TENM3: variants seen among roughly 807,000 people sequenced by gnomAD.
The protein encoded by TENM3 is teneurin transmembrane protein 3.
In TENM3, 63 loss-of-function variants were observed where a neutral mutation model predicts 255.1. The observed-to-expected ratio is 0.25, with a 90% CI of 0.20 to 0.30. TENM3 has a LOEUF of 0.30. TENM3 is among the 10% of genes least tolerant of loss of function. TENM3 has a pLI of 1.00. For synonymous variants in TENM3, 1,306 were observed against 1,322.3 expected, an observed-to-expected ratio of 0.99 and a Z score of 0.27; for missense variants, 2,929 against 3,461.1, an observed-to-expected ratio of 0.85 and a Z score of 3.86.
chr4:182,036,895 G>A, the TENM3 span, among the ~76,000 whole-genome samples: 2 of 151,950 alleles, frequency 1.3e-5, no homozygotes, highest in African/African-American at 4.8e-5. Context: ...TTTTGAAATG[G>A]TTTTGACAGT....
chr4:181,481,154 C>A, the TENM3 span, among the ~76,000 whole-genome samples: 6 of 150,644 alleles, frequency 4.0e-5, no homozygotes, highest in African/African-American at 1.2e-4. Flanking sequence ...ACTCTCTTTT[C>A]TTTTTTTTTG....
chr4:181,567,116 A>C, the TENM3 span, among the ~76,000 whole-genome samples: 2 of 152,204 alleles, frequency 1.3e-5, no homozygotes, highest in East Asian at 3.9e-4. Flanking sequence ...CTGATCAATA[A>C]GAGTAGAAAT....
At chr4:181,540,916 A>G in the TENM3 span, among the ~76,000 whole-genome samples, 1 of 151,428 alleles carries the variant, frequency 6.6e-6, no homozygotes, top group Non-Finnish European at 1.5e-5. Context: ...TGGCTCATTA[A>G]TAGTAATGAA....
chr4:182,483,749 A>G (rs997726510), intron 3 of TENM3, among the ~76,000 whole-genome samples: 4 of 152,136 alleles, frequency 2.6e-5, no homozygotes, highest in African/African-American at 9.7e-5. Flanking sequence ...CAGGCTGTAC[A>G]GGAAGTATGG....
intron 1 of TENM3, among the ~76,000 whole-genome samples, chr4:182,299,275 T>G (rs142296754): frequency 1.3e-5 from 2 of 152,124 alleles, no homozygotes; most frequent in African/African-American, 4.8e-5. Flanking sequence ...AAAACTAGAT[T>G]TATAATTCAA....
chr4:182,495,151 A>G (rs1202467018), intron 3 of TENM3, among the ~76,000 whole-genome samples: 4 of 152,220 alleles, frequency 2.6e-5, no homozygotes, highest in African/African-American at 4.8e-5. Flanking sequence ...TTAATGGAAG[A>G]TGCTCAGATG....
the TENM3 span, among the ~76,000 whole-genome samples, chr4:181,579,812 A>C: frequency 6.6e-6 from 1 of 152,192 alleles, no homozygotes; most frequent in African/African-American, 2.4e-5. Flanking sequence ...TAGGTTCATC[A>C]AGAGTAGAAA....
chr4:181,791,548 T>C, the TENM3 span, among the ~76,000 whole-genome samples: 72 of 152,312 alleles, frequency 4.7e-4, no homozygotes, highest in African/African-American at 1.7e-3. Context: ...GAAAGTAATA[T>C]AAGAATAAAA....
At chr4:182,059,772 A>G in the TENM3 span, among the ~76,000 whole-genome samples, 48 of 149,048 alleles carry the variant, frequency 3.2e-4, no homozygotes, top group African/African-American at 1.2e-3. Context: ...AGAAAAAAAA[A>G]AAAAAGAAAA....
chr4:182,619,060 G>A (rs1749826811), intron 4 of TENM3, among the ~76,000 whole-genome samples: 1 of 152,080 alleles, frequency 6.6e-6, no homozygotes, highest in South Asian at 2.1e-4. Flanking sequence ...GATGGGGACA[G>A]CAAAAAAGAT....
At chr4:181,919,374 GGTGTGTGT>G in the TENM3 span, among the ~76,000 whole-genome samples, 3 of 146,744 alleles carry the variant, frequency 2.0e-5, no homozygotes, top group African/African-American at 7.7e-5. Context: ...AAGCAAAGCA[GGTGTGTGT>G]GTGTGTGTGT....
the TENM3 span, among the ~76,000 whole-genome samples, chr4:181,844,722 T>A: frequency 6.6e-6 from 1 of 152,110 alleles, no homozygotes; most frequent in African/African-American, 2.4e-5. Context: ...ATACAGATGA[T>A]CTAAATAATA....
the TENM3 span, among the ~76,000 whole-genome samples, chr4:181,704,985 C>T: frequency 6.6e-6 from 1 of 151,168 alleles, no homozygotes; most frequent in African/African-American, 2.4e-5. Flanking sequence ...GCCCAGATCA[C>T]ACCACTGCAC....
At chr4:182,076,076 A>AT in the TENM3 span, among the ~76,000 whole-genome samples, 9 of 151,814 alleles carry the variant, frequency 5.9e-5, no homozygotes, top group African/African-American at 2.2e-4. Context: ...ACAATGCCTA[A>AT]TTTTTTTATT....
the TENM3 span, among the ~76,000 whole-genome samples, chr4:181,743,734 C>G: frequency 1.3e-5 from 2 of 151,996 alleles, no homozygotes; most frequent in African/African-American, 4.8e-5. Context: ...AGATGGGGAG[C>G]TTTTAAAGGA....
chr4:181,553,101 G>A, the TENM3 span, among the ~76,000 whole-genome samples: 1 of 152,102 alleles, frequency 6.6e-6, no homozygotes, highest in Admixed American at 6.5e-5. Context: ...TTGGTTTGGA[G>A]TTATGTTGTT....
the TENM3 span, among the ~76,000 whole-genome samples, chr4:181,968,124 T>C: frequency 1.3e-5 from 2 of 152,170 alleles, no homozygotes; most frequent in African/African-American, 4.8e-5. Context: ...CACAACTCAA[T>C]GCATGATGAT....
the TENM3 span, among the ~76,000 whole-genome samples, chr4:181,690,650 T>TA: frequency 0.011 from 1,630 of 150,898 alleles, 23 homozygotes; most frequent in African/African-American, 0.037. Context: ...AGAAAGGAGA[T>TA]AAAAAAAAAA....
At chr4:181,671,640 T>C in the TENM3 span, among the ~76,000 whole-genome samples, 6,763 of 152,270 alleles carry the variant, frequency 0.044, 184 homozygotes, top group African/African-American at 0.076. Flanking sequence ...CTGCTGTGGC[T>C]CTTTATGTCC....
Sources: gnomAD v4.1 joint callset for allele counts (sites outside exome capture counted in the v4.1 genomes callset) on GRCh38, gnomAD v4.1.1 for gene constraint, MANE v1.5 for transcripts, NCBI Gene and HGNC (gene_info 2026-07-23, HGNC 2026-07-21) for gene names.